SHISAL2A: variants seen among roughly 807,000 people sequenced by gnomAD.
SHISAL2A encodes shisa like 2A, also known as protein shisa-like-2A.
SHISAL2A carries 18 observed loss-of-function variants against 11.5 expected under a neutral mutation model. That is an observed-to-expected ratio of 1.57 (90% CI 1.08 to 2.33). SHISAL2A has a LOEUF of 2.33. SHISAL2A is among the 30% of genes most tolerant of loss of function. SHISAL2A has a pLI of 0.00. For synonymous variants in SHISAL2A, 94 were observed against 99.6 expected, an observed-to-expected ratio of 0.94 and a Z score of 0.34; for missense variants, 261 against 250.9, an observed-to-expected ratio of 1.04 and a Z score of -0.27.
At chr1:52,665,664 C>T (rs1188232964) in intron 4 of SHISAL2A, among the ~76,000 whole-genome samples, 1 of 152,168 alleles carries the variant, frequency 6.6e-6, no homozygotes, top group Non-Finnish European at 1.5e-5. Flanking sequence ...CCTATTGGGG[C>T]CCAGAGGAGG....
chr1:52,640,990 G>A (rs1042380087), intron 1 of SHISAL2A, among the ~76,000 whole-genome samples: 4 of 152,134 alleles, frequency 2.6e-5, no homozygotes, highest in Non-Finnish European at 5.9e-5. Flanking sequence ...ATGTAATGAA[G>A]CCTCCATAAA....
At chr1:52,665,094 A>G (rs1486111070) in intron 4 of SHISAL2A, among the ~76,000 whole-genome samples, 1 of 152,118 alleles carries the variant, frequency 6.6e-6, no homozygotes, top group Non-Finnish European at 1.5e-5. Flanking sequence ...ACCCACCCCT[A>G]TGCGATGTCT....
At chr1:52,640,573 G>A (rs1691341096) in intron 1 of SHISAL2A, among the ~76,000 whole-genome samples, 1 of 151,766 alleles carries the variant, frequency 6.6e-6, no homozygotes, top group Admixed American at 6.6e-5. Context: ...CGCCTACCAG[G>A]GAGGCTGAGG....
chr1:52,645,593 G>A (rs1482988113), intron 2 of SHISAL2A, among the ~76,000 whole-genome samples: 1 of 152,142 alleles, frequency 6.6e-6, no homozygotes, highest in Non-Finnish European at 1.5e-5. Flanking sequence ...ATTTTTAGTA[G>A]AGATGGAGTT....
intron 1 of SHISAL2A, among the ~76,000 whole-genome samples, chr1:52,636,758 T>C (rs1691244179): frequency 2.0e-5 from 3 of 152,214 alleles, no homozygotes; most frequent in African/African-American, 7.2e-5. Flanking sequence ...TAAGTTACTA[T>C]CTGGGAGTGT....
chr1:52,661,524 A>G (rs907244863), downstream of SHISAL2A, among the ~76,000 whole-genome samples: 5 of 152,224 alleles, frequency 3.3e-5, no homozygotes, highest in African/African-American at 1.2e-4. Context: ...GCCAGGCTGC[A>G]GGCCACAGCC....
intron 2 of SHISAL2A, among the ~76,000 whole-genome samples, chr1:52,652,192 G>T (rs1212730796): frequency 6.6e-6 from 1 of 152,226 alleles, no homozygotes; most frequent in Admixed American, 6.5e-5. Flanking sequence ...GAGACTCTGG[G>T]CTCACAGCCT....
chr1:52,648,090 TA>T (rs1292176771), intron 2 of SHISAL2A, among the ~76,000 whole-genome samples: 3 of 147,824 alleles, frequency 2.0e-5, no homozygotes, highest in African/African-American at 7.4e-5. Flanking sequence ...AATTATATAT[TA>T]ACATATCTAA....
At chr1:52,636,966 C>G (rs1691249329) in intron 1 of SHISAL2A, among the ~76,000 whole-genome samples, 1 of 152,094 alleles carries the variant, frequency 6.6e-6, no homozygotes, top group Non-Finnish European at 1.5e-5. Flanking sequence ...GAGTAATTCT[C>G]TCAGCACCCA....
At chr1:52,643,505 T>C (rs1691419515) in intron 2 of SHISAL2A, among the ~76,000 whole-genome samples, 1 of 152,170 alleles carries the variant, frequency 6.6e-6, no homozygotes, top group Admixed American at 6.5e-5. Flanking sequence ...GTGTTGCTTT[T>C]TCACAAGCCT....
At chr1:52,643,139 C>G (rs935747012) in intron 2 of SHISAL2A, 137 bp downstream of exon 2, 1 of 808,998 alleles carries the variant, frequency 1.2e-6, no homozygotes, top group Non-Finnish European at 2.0e-6. Flanking sequence ...GCACATTTTT[C>G]TGGAGATTCG....
chr1:52,646,375 A>G (rs1323610891), intron 2 of SHISAL2A, among the ~76,000 whole-genome samples: 1 of 152,178 alleles, frequency 6.6e-6, no homozygotes, highest in Non-Finnish European at 1.5e-5. Flanking sequence ...ATTTTCTAAA[A>G]AATAAAGGAA....
chr1:52,650,749 A>G (rs976974774), intron 2 of SHISAL2A, among the ~76,000 whole-genome samples: 3 of 149,708 alleles, frequency 2.0e-5, no homozygotes, highest in African/African-American at 7.4e-5. Flanking sequence ...GGTTCAAGCA[A>G]TTCTCCTGCC....
chr1:52,645,397 G>A (rs971400455), intron 2 of SHISAL2A, among the ~76,000 whole-genome samples: 1 of 88,780 alleles, frequency 1.1e-5, no homozygotes, highest in African/African-American at 4.2e-5. Context: ...AGGCTTCAAC[G>A]TTTTGTTTTG....
intron 2 of SHISAL2A, among the ~76,000 whole-genome samples, chr1:52,649,325 T>G (rs1253015487): frequency 6.6e-6 from 1 of 152,170 alleles, no homozygotes; most frequent in Non-Finnish European, 1.5e-5. Context: ...CCAAGGGAAA[T>G]GAACTAAGTC....
rs552251432 is a variant in SHISAL2A at position 52,663,129 on chromosome 1, C to A, written n.695+3549C>A. Among the ~76,000 whole-genome samples the A allele has an allele frequency of 6.6e-5, 10 of 152,252 alleles. No individual in the cohort carries two copies. The South Asian group carries it at 2.1e-3, about 32-fold the overall frequency. On this transcript the variant is annotated intron_variant and non_coding_transcript_variant, in intron 4 of 5. Transcript: ENST00000401050. ...CCTCGCAGCTCCCTGCGGTTCCACA[C>A]CCCTCCCTCTTCTCCATCTCTCTTA... is the stretch of plus-strand genomic sequence containing the variant.
chr1:52,664,238 T>C (rs1355912831), intron 4 of SHISAL2A, among the ~76,000 whole-genome samples: 1 of 151,866 alleles, frequency 6.6e-6, no homozygotes, highest in Non-Finnish European at 1.5e-5. Flanking sequence ...TCGCCCAGGC[T>C]GGAGTGCAGT....
chr1:52,644,103 G>C (rs1161218267), intron 2 of SHISAL2A, among the ~76,000 whole-genome samples: 1 of 152,198 alleles, frequency 6.6e-6, no homozygotes, highest in Non-Finnish European at 1.5e-5. Context: ...TAGCTAATAA[G>C]TGGTGGGCTG....
At chr1:52,641,350 G>A (rs1027118597) in intron 1 of SHISAL2A, among the ~76,000 whole-genome samples, 6 of 152,174 alleles carry the variant, frequency 3.9e-5, no homozygotes, top group South Asian at 4.1e-4. Flanking sequence ...GACTGAGCCC[G>A]TAACCTGTGG....
Sources: gnomAD v4.1 joint callset for allele counts (sites outside exome capture counted in the v4.1 genomes callset) on GRCh38, gnomAD v4.1.1 for gene constraint, MANE v1.5 for transcripts, NCBI Gene and HGNC (gene_info 2026-07-23, HGNC 2026-07-21) for gene names.